Variants in ENTREP2 observed in about 807,000 individuals in gnomAD.
ENTREP2 encodes the protein endosomal transmembrane epsin interactor 2, also known as protein ENTREP2.
the ENTREP2 span, among the ~76,000 whole-genome samples, chr15:29,143,020 A>G: frequency 6.6e-6 from 1 of 152,238 alleles, no homozygotes; most frequent in Admixed American, 6.5e-5. Flanking sequence ...GACAATAGGC[A>G]GAACGCTTTG....
chr15:29,123,340 C>T, the ENTREP2 span: 6 of 1,524,262 alleles, frequency 3.9e-6, no homozygotes, highest in East Asian at 1.5e-4. Flanking sequence ...GTGGCTCCTT[C>T]ATACCTGGTC....
the ENTREP2 span, among the ~76,000 whole-genome samples, chr15:29,466,939 A>T: frequency 1.6e-5 from 2 of 122,950 alleles, no homozygotes; most frequent in African/African-American, 6.2e-5. Flanking sequence ...AGGATGCTGC[A>T]GCCCCCAGGG....
the ENTREP2 span, chr15:29,196,641 C>A: frequency 6.8e-7 from 1 of 1,468,474 alleles, no homozygotes; most frequent in South Asian, 1.4e-5. Flanking sequence ...TGACACAGTT[C>A]AGAACACAGG....
the ENTREP2 span, among the ~76,000 whole-genome samples, chr15:29,142,318 A>G: frequency 1.3e-5 from 2 of 152,252 alleles, no homozygotes; most frequent in Admixed American, 6.5e-5. Flanking sequence ...GCTCATTAGC[A>G]TATCTGACGT....
chr15:29,157,391 G>A, the ENTREP2 span, among the ~76,000 whole-genome samples: 2 of 152,220 alleles, frequency 1.3e-5, no homozygotes, highest in East Asian at 1.9e-4. Flanking sequence ...CCCTACAGAA[G>A]AGGGCATTTC....
chr15:29,278,721 TATCC>T, the ENTREP2 span, among the ~76,000 whole-genome samples: 3 of 152,196 alleles, frequency 2.0e-5, no homozygotes, highest in Non-Finnish European at 4.4e-5. Context: ...TCCCACTGGA[TATCC>T]TTGGCCTCTT....
the ENTREP2 span, among the ~76,000 whole-genome samples, chr15:29,531,636 A>G: frequency 6.6e-6 from 1 of 152,256 alleles, no homozygotes; most frequent in Non-Finnish European, 1.5e-5. Context: ...ACGTACTTCA[A>G]CATGTTGTTT....
At chr15:29,142,802 G>T in the ENTREP2 span, among the ~76,000 whole-genome samples, 34 of 152,158 alleles carry the variant, frequency 2.2e-4, no homozygotes, top group Admixed American at 5.2e-4. Context: ...GCAGCAGCTG[G>T]CGAGGAAGTA....
chr15:29,381,194 T>C, the ENTREP2 span, among the ~76,000 whole-genome samples: 8 of 146,052 alleles, frequency 5.5e-5, no homozygotes, highest in Non-Finnish European at 9.0e-5. Context: ...CAGTGGCTCA[T>C]GCCTGTAATC....
the ENTREP2 span, among the ~76,000 whole-genome samples, chr15:29,285,629 A>AC: frequency 7.2e-5 from 11 of 152,202 alleles, no homozygotes; most frequent in Admixed American, 3.9e-4. Context: ...AATTCCACTG[A>AC]ACATTTGAAG....
At chr15:29,562,870 GGC>G in the ENTREP2 span, among the ~76,000 whole-genome samples, 60 of 152,070 alleles carry the variant, frequency 3.9e-4, no homozygotes, top group East Asian at 0.011. Context: ...AGCTCACTGT[GGC>G]CTCAACCTCC....
the ENTREP2 span, among the ~76,000 whole-genome samples, chr15:29,213,358 T>C: frequency 6.6e-6 from 1 of 152,200 alleles, no homozygotes; most frequent in Non-Finnish European, 1.5e-5. Context: ...GGGGATGGCA[T>C]TGAATCTATA....
chr15:29,245,262 T>G, the ENTREP2 span, among the ~76,000 whole-genome samples: 3 of 152,142 alleles, frequency 2.0e-5, no homozygotes, highest in Non-Finnish European at 4.4e-5. Context: ...CATGGAAAGT[T>G]CATATGTATA....
chr15:29,590,719 A>T, the ENTREP2 span, among the ~76,000 whole-genome samples: 2 of 151,890 alleles, frequency 1.3e-5, no homozygotes, highest in Admixed American at 1.3e-4. Context: ...AAGAAAAAAA[A>T]ATACACTTGA....
the ENTREP2 span, among the ~76,000 whole-genome samples, chr15:29,262,222 T>C: frequency 6.6e-6 from 1 of 152,228 alleles, no homozygotes; most frequent in Non-Finnish European, 1.5e-5. Context: ...TCCCATAATC[T>C]TCGTTATACT....
chr15:29,142,356 C>T, the ENTREP2 span, among the ~76,000 whole-genome samples: 2 of 152,240 alleles, frequency 1.3e-5, no homozygotes, highest in African/African-American at 2.4e-5. Flanking sequence ...GTGTCCACAT[C>T]ATTTTTATGA....
chr15:29,616,259 C>T, the ENTREP2 span, among the ~76,000 whole-genome samples: 2 of 152,174 alleles, frequency 1.3e-5, no homozygotes, highest in African/African-American at 4.8e-5. Context: ...TTTGGACAAA[C>T]CAAGGGGACG....
At chr15:29,469,931 A>G in the ENTREP2 span, among the ~76,000 whole-genome samples, 1 of 152,190 alleles carries the variant, frequency 6.6e-6, no homozygotes, top group Non-Finnish European at 1.5e-5. Context: ...TTACCACTAA[A>G]GAAGTACTTT....
At chr15:29,307,284 T>A in the ENTREP2 span, among the ~76,000 whole-genome samples, 30 of 108,590 alleles carry the variant, frequency 2.8e-4, no homozygotes, top group African/African-American at 1.8e-3. Flanking sequence ...ATGCTTCAGC[T>A]AACATAAAAA....
Sources: gnomAD v4.1 joint callset for allele counts (sites outside exome capture counted in the v4.1 genomes callset) on GRCh38, gnomAD v4.1.1 for gene constraint, MANE v1.5 for transcripts, NCBI Gene and HGNC (gene_info 2026-07-23, HGNC 2026-07-21) for gene names.